SMG6: variants seen among roughly 807,000 people sequenced by gnomAD.
SMG6 encodes the protein telomerase-binding protein EST1A.
In SMG6, 66 loss-of-function variants were observed where a neutral mutation model predicts 142.2. The ratio of observed to expected loss-of-function variants is 0.46; its 90% CI spans 0.38 to 0.57. The LOEUF is 0.57. Ranked by LOEUF, SMG6 falls within the 20% of genes least tolerant of loss-of-function variation. The pLI is 0.00. For synonymous variants in SMG6, 779 were observed against 702.4 expected, an observed-to-expected ratio of 1.11 and a Z score of -1.72; for missense variants, 1,793 against 1,832.0, an observed-to-expected ratio of 0.98 and a Z score of 0.39.
intron 14 of SMG6, among the ~76,000 whole-genome samples, chr17:2,084,482 C>T (rs979239221): frequency 6.6e-6 from 1 of 152,202 alleles, no homozygotes; most frequent in African/African-American, 2.4e-5. Flanking sequence ...GGGTGGGGCT[C>T]TCCAGTTATT....
At chr17:2,186,577 G>T in intron 12 of SMG6, 86 bp downstream of exon 12, 1 of 1,484,856 alleles carries the variant, frequency 6.7e-7, no homozygotes, top group South Asian at 1.2e-5. Flanking sequence ...TGGGCAGAAA[G>T]AAACAGAGCA....
rs116857882 is a variant in SMG6, at chr17:2,147,805, G to C, written c.3357+24853C>G. The stretch of plus-strand genomic sequence containing the variant: ...TGTTACTAAAAAACAAAAGTATTGT[G>C]AGAATGTGAAGAAACTGGAACTCCT... On this transcript the variant is annotated intron_variant, in intron 13 of 18. Coordinates refer to ENST00000263073, the MANE Select transcript of SMG6 (RefSeq NM_017575.5). Among the ~76,000 whole-genome samples the C allele has an allele frequency of 1.1e-3, 164 of 152,340 alleles. 1 individual carries two copies. The East Asian group carries it at 0.023, about 21-fold the overall frequency.
At position 2,282,881 on chromosome 17, in the gene SMG6, T is replaced by A. The variant is rs762680774; in HGVS notation, c.2449-22A>T. The A allele has an allele frequency of 6.8e-6, 11 of 1,610,186 alleles. No individual in the cohort carries two copies. The South Asian group carries it at 1.2e-4, about 18-fold the overall frequency. On this transcript the variant is annotated intron_variant, in intron 7 of 18. Transcript: ENST00000263073. ...CTGCCTATATAACATACAAACACAT[T>A]AGCTCATGGCCTGGTGTGGTGGCTC...
At chr17:2,222,516 C>T (rs1056026482) in intron 10 of SMG6, among the ~76,000 whole-genome samples, 3 of 111,392 alleles carry the variant, frequency 2.7e-5, no homozygotes, top group African/African-American at 3.7e-5. Context: ...GGAGAACAGT[C>T]GTGAATGAGC....
intron 12 of SMG6, among the ~76,000 whole-genome samples, chr17:2,177,655 T>C (rs111245220): frequency 7.3e-5 from 11 of 151,406 alleles, no homozygotes; most frequent in Admixed American, 1.3e-4. Flanking sequence ...CCGGAAAGAG[T>C]TGAGTGAGAA....
chr17:2,088,356 G>A (rs2068623162), intron 13 of SMG6: 2 of 985,382 alleles, frequency 2.0e-6, no homozygotes, highest in African/African-American at 3.5e-5. Flanking sequence ...GAGGCCACCT[G>A]CAGCACTTCC....
At chr17:2,210,473 C>T (rs1567685474) in intron 10 of SMG6, among the ~76,000 whole-genome samples, 1 of 151,374 alleles carries the variant, frequency 6.6e-6, no homozygotes, top group Non-Finnish European at 1.5e-5. Context: ...AAATATAGAA[C>T]AAAAAGTTAG....
At chr17:2,251,756 C>G (rs569370168) in intron 8 of SMG6, among the ~76,000 whole-genome samples, 3 of 152,144 alleles carry the variant, frequency 2.0e-5, no homozygotes, top group Middle Eastern at 3.2e-3. Context: ...GAGGGACAGC[C>G]GAGCTCAGAG....
intron 13 of SMG6, among the ~76,000 whole-genome samples, chr17:2,164,140 G>A (rs928704683): frequency 3.0e-4 from 45 of 151,806 alleles, no homozygotes; most frequent in African/African-American, 1.0e-3. Flanking sequence ...GCCAGAGAGG[G>A]GCACAGTGGC....
chr17:2,277,085 T>G (rs1483553822), intron 8 of SMG6, among the ~76,000 whole-genome samples: 2 of 152,000 alleles, frequency 1.3e-5, no homozygotes, highest in Non-Finnish European at 1.5e-5. Flanking sequence ...CCGGCCTACT[T>G]TATGTCTTTT....
intron 10 of SMG6, among the ~76,000 whole-genome samples, chr17:2,210,124 T>G (rs1320394286): frequency 2.0e-5 from 3 of 152,098 alleles, no homozygotes; most frequent in African/African-American, 7.2e-5. Context: ...GGTCCAGAGC[T>G]CCTTGCTGGA....
chr17:2,210,283 TTTC>T (rs1309818776), intron 10 of SMG6, among the ~76,000 whole-genome samples: 1 of 151,192 alleles, frequency 6.6e-6, no homozygotes, highest in Admixed American at 6.6e-5. Flanking sequence ...TTTCTTTTCT[TTTC>T]TTTTTTTTTT....
intron 13 of SMG6, among the ~76,000 whole-genome samples, chr17:2,141,577 G>A (rs2070480549): frequency 6.6e-6 from 1 of 152,130 alleles, no homozygotes. Flanking sequence ...GAATGGCTAG[G>A]ACCACAGGTG....
chr17:2,133,138 G>C (rs1319909561), intron 13 of SMG6, among the ~76,000 whole-genome samples: 1 of 152,054 alleles, frequency 6.6e-6, no homozygotes, highest in African/African-American at 2.4e-5. Flanking sequence ...CCAGATACTC[G>C]GGAGGCTGAG....
At chr17:2,302,845 T>C (rs1475668148) in intron 1 of SMG6, among the ~76,000 whole-genome samples, 2 of 152,184 alleles carry the variant, frequency 1.3e-5, no homozygotes, top group African/African-American at 4.8e-5. Flanking sequence ...TTCCTACTAC[T>C]TTCTAGAGCA....
At chr17:2,161,868 T>C (rs2071189653) in intron 13 of SMG6, among the ~76,000 whole-genome samples, 1 of 152,184 alleles carries the variant, frequency 6.6e-6, no homozygotes, top group East Asian at 1.9e-4. Flanking sequence ...ATTCCACTCA[T>C]ATGAACCTTT....
chr17:2,141,992 A>G (rs1312690481), intron 13 of SMG6, among the ~76,000 whole-genome samples: 1 of 152,204 alleles, frequency 6.6e-6, no homozygotes, highest in African/African-American at 2.4e-5. Context: ...TACTTCAGGT[A>G]GAAGAAACTT....
chr17:2,073,657 C>T (rs948111958), intron 15 of SMG6, among the ~76,000 whole-genome samples: 3 of 132,046 alleles, frequency 2.3e-5, no homozygotes, highest in African/African-American at 8.6e-5. Context: ...TGCTGTGAGC[C>T]GAGATGGTGC....
chr17:2,120,739 A>G (rs2069662897), intron 13 of SMG6, among the ~76,000 whole-genome samples: 1 of 152,158 alleles, frequency 6.6e-6, no homozygotes. Context: ...CAAAAAGCAT[A>G]CAACTTCATT....
Sources: allele counts gnomAD v4.1 joint callset (sites outside exome capture counted in the v4.1 genomes callset), GRCh38; gene constraint gnomAD v4.1.1; transcripts MANE v1.5; gene names NCBI Gene and HGNC (gene_info 2026-07-23, HGNC 2026-07-21).